The following CDS1 variants were observed in gnomAD, a reference collection of about 807,000 sequenced individuals.
CDS1 encodes the protein CDP-diacylglycerol synthase 1.
Under a neutral mutation model 62.1 loss-of-function variants are expected in CDS1, and 41 were observed. That is an observed-to-expected ratio of 0.66 (90% confidence interval 0.51 to 0.86). CDS1 has a LOEUF of 0.86. Among genes scored for constraint, CDS1 ranks in the 40% least tolerant of loss-of-function variants. CDS1 has a pLI of 0.00. For synonymous variants in CDS1, 185 were observed against 192.6 expected (o/e 0.96, Z 0.32); for missense variants, 470 against 550.1 (o/e 0.85, Z 1.46).
Position 84,649,198 on chromosome 4 carries a change from A to G in CDS1, c.*512A>G, listed in dbSNP as rs1246116100. On this transcript the variant is annotated 3_prime_UTR_variant, in exon 13 of 13. Transcript: ENST00000295887. ...GCTTAGTTGGATTTAAAAAAAAAAA[A>G]AAAAGATTGTCTACTTTTCAAAGAA... 6.6e-6 allele frequency: 1 copy of G among 152,178 alleles called. No individual in the cohort carries two copies. The highest frequency in any genetic ancestry group is 2.4e-5 in the African/African-American group (1 of 41,436). The allele number at this position is 152,178 out of a possible 1,614,324, so 9.4% of individuals were successfully genotyped here.
intron 1 of CDS1, among the ~76,000 whole-genome samples, chr4:84,600,926 T>C (rs545762668): frequency 6.6e-6 from 1 of 152,096 alleles, no homozygotes; most frequent in Admixed American, 6.5e-5. Flanking sequence ...CCCAGCACTT[T>C]GGGAGGCCAA....
At chr4:84,603,717 A>G (rs113662310) in intron 1 of CDS1, among the ~76,000 whole-genome samples, 4 of 152,294 alleles carry the variant, frequency 2.6e-5, no homozygotes, top group African/African-American at 9.6e-5. Context: ...ATCATAGTTT[A>G]CCTACCAGTA....
intron 1 of CDS1, among the ~76,000 whole-genome samples, chr4:84,584,827 T>C (rs1294047279): frequency 7.9e-5 from 12 of 152,204 alleles, no homozygotes; most frequent in Admixed American, 7.9e-4. Context: ...ACCCAAAATA[T>C]AACAATTTCC....
chr4:84,628,471 T>C (rs1024179273), intron 5 of CDS1, among the ~76,000 whole-genome samples: 2 of 152,152 alleles, frequency 1.3e-5, no homozygotes, highest in Non-Finnish European at 2.9e-5. Flanking sequence ...TTTCGGTGTC[T>C]TGTGTTTTTT....
chr4:84,593,300 C>T (rs1461279142), intron 1 of CDS1, among the ~76,000 whole-genome samples: 1 of 152,046 alleles, frequency 6.6e-6, no homozygotes, highest in Non-Finnish European at 1.5e-5. Context: ...TACTAGCTAG[C>T]GATCTGGGTG....
chr4:84,622,661 T>C (rs1240039019), intron 5 of CDS1, among the ~76,000 whole-genome samples: 1 of 152,200 alleles, frequency 6.6e-6, no homozygotes. Flanking sequence ...CTATCATTAA[T>C]ATCTGCACAT....
intron 1 of CDS1, among the ~76,000 whole-genome samples, chr4:84,602,607 C>G (rs1722970704): frequency 6.6e-6 from 1 of 152,044 alleles, no homozygotes; most frequent in Non-Finnish European, 1.5e-5. Flanking sequence ...CCTAGAGAAC[C>G]ACTTCCATTA....
In CDS1 at chr4:84,643,593, A is replaced by G. The variant is rs550340877; in HGVS notation, c.1152+450A>G. Among the ~76,000 whole-genome samples the G allele has an allele frequency of 5.3e-5, 8 of 152,330 alleles. No homozygotes were observed. In the East Asian group the frequency reaches 1.5e-3, roughly 29 times the overall value. ...AAGGGCAAACAATACATTTATTAGG[A>G]TGTGCAGACCATATATTCTATCAAA... On this transcript the variant is annotated intron_variant, in intron 11 of 12. Coordinates refer to ENST00000295887, the MANE Select transcript of CDS1 (RefSeq NM_001263.4).
chr4:84,609,386 C>T (rs751686233), intron 2 of CDS1, 43 bp from the exon 3 acceptor site: 4 of 1,284,910 alleles, frequency 3.1e-6, no homozygotes, highest in Non-Finnish European at 4.5e-6. Context: ...ACACAAAAAA[C>T]CTTAAGAACA....
chr4:84,648,701 G>A lies in CDS1; in HGVS notation c.*15G>A, dbSNP rs201085459. The A allele has an allele frequency of 2.4e-5, 39 of 1,604,014 alleles. No individual in the cohort carries two copies. In the African/African-American group the frequency reaches 5.1e-4, roughly 21 times the overall value. Reference sequence around the variant, plus strand: ...TGAAGGTATAACTGGATCCAGAGAGGGAAGGACTGACAAGAAGGAATTATT... The same window carrying A: ...TGAAGGTATAACTGGATCCAGAGAGAGAAGGACTGACAAGAAGGAATTATT... On this transcript the variant is annotated 3_prime_UTR_variant, in exon 13 of 13. Coordinates refer to ENST00000295887, the MANE Select transcript of CDS1 (RefSeq NM_001263.4).
At position 84,609,440 on chromosome 4, in the gene CDS1, G is replaced by C. The variant is rs755829357; in HGVS notation, c.257G>C (p.Trp86Ser). The C allele has an allele frequency of 6.2e-7, 1 of 1,604,274 alleles. No homozygotes were observed. Among genetic ancestry groups the C allele is most frequent in the South Asian group, 1.1e-5 (1 of 90,678 alleles). Reference sequence around the variant, plus strand: ...CATTTTCTTTGTAGGTGGAAAAACTGGTGGATACGTGGAATTCTCACTCTA... The same window carrying C: ...CATTTTCTTTGTAGGTGGAAAAACTCGTGGATACGTGGAATTCTCACTCTA... Reference protein sequence around the residue: ...LSGLSSRWKNWWIRGILTLTM... With the variant: ...LSGLSSRWKNSWIRGILTLTM... Residue 86 changes from tryptophan (W) to serine (S), a missense_variant, in exon 3 of 13, where the codon TGG becomes TCG. By Grantham distance (177) the Trp-to-Ser change is radical (BLOSUM62 -3). Around this residue, in one of 5 missense-constraint regions of CDS1, gnomAD observed 150 missense variants for 142.0 expected, o/e 1.06. Coordinates refer to ENST00000295887, the MANE Select transcript of CDS1 (RefSeq NM_001263.4).
Position 84,619,549 on chromosome 4 carries a change from T to G in CDS1, c.580+16T>G. On this transcript the variant is annotated intron_variant, in intron 5 of 12. Coordinates refer to ENST00000295887, the MANE Select transcript of CDS1 (RefSeq NM_001263.4). ...TATCTGGCAGGTAAGTTAAGGAATATTCTGTATTGATATATAGTTAACATA... is the reference window on the plus strand; with the variant it reads ...TATCTGGCAGGTAAGTTAAGGAATAGTCTGTATTGATATATAGTTAACATA... 6.7e-7 allele frequency: 1 copy of G among 1,482,842 alleles called. No individual in the cohort carries two copies. Among genetic ancestry groups the G allele is most frequent in the East Asian group, 2.3e-5 (1 of 43,308 alleles). 91.9% of individuals were successfully genotyped at this position (1,482,842 alleles called of 1,614,324 possible). A position where few individuals can be genotyped will look rare whatever the true frequency, so the allele number is the denominator to read the frequency against.
At chr4:84,607,080 A>G (rs929586870) in intron 2 of CDS1, among the ~76,000 whole-genome samples, 6 of 152,184 alleles carry the variant, frequency 3.9e-5, no homozygotes, top group African/African-American at 1.2e-4. Context: ...ATAGTTTGTT[A>G]AACAATAGAG....
At chr4:84,626,060 G>T (rs181176520) in intron 5 of CDS1, among the ~76,000 whole-genome samples, 2,842 of 151,998 alleles carry the variant, frequency 0.019, 85 homozygotes, top group African/African-American at 0.065. Context: ...CCAGCTACTC[G>T]GGAGGCTGAC....
chr4:84,614,634 A>G (rs1723431071), intron 3 of CDS1, among the ~76,000 whole-genome samples: 1 of 152,246 alleles, frequency 6.6e-6, no homozygotes, highest in Non-Finnish European at 1.5e-5. Flanking sequence ...CTTCTAGTCC[A>G]TACCTCGGCC....
intron 1 of CDS1, among the ~76,000 whole-genome samples, chr4:84,598,084 C>T (rs1457974352): frequency 6.6e-6 from 1 of 150,566 alleles, no homozygotes; most frequent in Admixed American, 6.6e-5. Flanking sequence ...CGAGATCGTG[C>T]CACTGCACTC....
chr4:84,632,815 A>T (rs1013689347), intron 6 of CDS1, among the ~76,000 whole-genome samples: 1 of 152,222 alleles, frequency 6.6e-6, no homozygotes, highest in Non-Finnish European at 1.5e-5. Flanking sequence ...TAAATGGGAA[A>T]CAGGTTTATT....
chr4:84,644,959 A>G (rs1578057125), intron 11 of CDS1, among the ~76,000 whole-genome samples: 1 of 152,200 alleles, frequency 6.6e-6, no homozygotes, highest in Admixed American at 6.5e-5. Context: ...TTATTAACGA[A>G]AAAAAGTAAG....
chr4:84,605,046 T>TGAAGGG (rs1723051483), intron 2 of CDS1, among the ~76,000 whole-genome samples: 1 of 152,238 alleles, frequency 6.6e-6, no homozygotes, highest in Non-Finnish European at 1.5e-5. Context: ...TATATTACCC[T>TGAAGGG]TCATTGTATA....
Sources: gnomAD v4.1 joint callset for allele counts (sites outside exome capture counted in the v4.1 genomes callset) on GRCh38, gnomAD v4.1.1 for gene constraint, gnomAD v4.1.1 regional missense constraint, MANE v1.5 for transcripts, NCBI Gene and HGNC (gene_info 2026-07-23, HGNC 2026-07-21) for gene names.